ECSIT: variants seen among roughly 807,000 people sequenced by gnomAD.
ECSIT encodes the protein evolutionarily conserved signaling intermediate in Toll pathway, mitochondrial.
ECSIT carries 29 observed loss-of-function variants against 36.8 expected under a neutral mutation model. That is an observed-to-expected ratio of 0.79 (90% CI 0.59 to 1.08). The LOEUF (loss-of-function observed/expected upper bound fraction) is 1.08, where lower values mean the gene tolerates loss of function less well. Ranked by LOEUF, ECSIT falls within the 50% of genes least tolerant of loss-of-function variation. The probability of loss-of-function intolerance (pLI) is 0.00; values close to 1 mark genes in which losing one functional copy is unlikely to be tolerated. For missense variants in ECSIT, 542 were observed against 581.0 expected (o/e 0.93, Z 0.69); for synonymous variants, 231 against 234.8 (o/e 0.98, Z 0.15).
At chr19:11,524,293 G>A (rs1972167642) in intron 1 of ECSIT, among the ~76,000 whole-genome samples, 1 of 152,006 alleles carries the variant, frequency 6.6e-6, no homozygotes, top group South Asian at 2.1e-4. Context: ...GGAGGCCGAG[G>A]TGGGCAGATC....
rs146112007 is a variant in ECSIT, at chr19:11,507,499, C to T, written c.1009G>A (p.Val337Met). 671 of 1,614,100 alleles carry T rather than the reference C, an allele frequency of 4.2e-4. 2 individuals carry two copies. The Middle Eastern group carries it at 6.9e-3, about 17-fold the overall frequency. Residue 337 changes from valine (V) to methionine (M), a missense_variant, in exon 7 of 8, where the codon GTG (valine) becomes ATG (methionine). Physicochemically the swap from Val to Met is conservative, Grantham distance 21. Coordinates refer to ENST00000270517, the MANE Select transcript of ECSIT (RefSeq NM_016581.5). ...YYPMQLDLEY[V>M]RSGWDNYEFD... ...TCGTAGTTGTCCCAGCCACTCCTCA[C>T]ATACTCCAGGTCCAGCTGCATCGGG...
chr19:11,513,020 G>C (rs1971902528), intron 4 of ECSIT, 36 bp downstream of exon 4: 1 of 1,599,954 alleles, frequency 6.3e-7, no homozygotes, highest in Admixed American at 1.7e-5. Context: ...AGCCTGGCCT[G>C]GGGTGGCAGC....
At chr19:11,513,738 C>G in intron 3 of ECSIT, 66 bp downstream of exon 3, 1 of 1,582,966 alleles carries the variant, frequency 6.3e-7, no homozygotes, top group Non-Finnish European at 8.6e-7. Flanking sequence ...GGCTGAGACT[C>G]AGGAGAGGTG....
At chr19:11,514,850 T>G (rs1448559029) in intron 2 of ECSIT, among the ~76,000 whole-genome samples, 1 of 151,478 alleles carries the variant, frequency 6.6e-6, no homozygotes, top group Non-Finnish European at 1.5e-5. Flanking sequence ...TTTTTTTTTT[T>G]TTTTTTTAGA....
Position 11,519,313 on chromosome 19 carries a change from T to G in ECSIT, c.-23-120A>C. 2.8e-6 allele frequency: 2 copies of G among 718,216 alleles called. No homozygotes were observed. Among genetic ancestry groups the G allele is most frequent in the South Asian group, 3.0e-5 (2 of 66,282 alleles). 44.5% of individuals were successfully genotyped at this position (718,216 alleles called of 1,614,324 possible). On this transcript the variant is annotated intron_variant, in intron 1 of 7. Transcript: ENST00000270517. This position sits in a 1 kb window ranked among gnomAD's most constrained non-coding sequence, Gnocchi z 4.4. ...TGGCTCACTCACCAGCCCCAATGTT[T>G]ACCTTACCCAAGAAACAGGCTGATG...
chr19:11,507,282 C>CT (rs60161140), intron 7 of ECSIT, among the ~76,000 whole-genome samples, 175 bp downstream of exon 7: 17,144 of 133,472 alleles, frequency 0.13, 3,751 homozygotes, highest in African/African-American at 0.45. Flanking sequence ...AGGTTTTTGC[C>CT]TTTTTTTTTT....
intron 4 of ECSIT, among the ~76,000 whole-genome samples, chr19:11,509,158 C>T (rs902592582): frequency 5.3e-5 from 8 of 151,266 alleles, no homozygotes; most frequent in Non-Finnish European, 1.0e-4. Flanking sequence ...CCGCAACCTC[C>T]ACCTCCTGGG....
chr19:11,518,535 G>C (rs773481923), intron 2 of ECSIT, among the ~76,000 whole-genome samples: 2 of 152,138 alleles, frequency 1.3e-5, no homozygotes, highest in Non-Finnish European at 2.9e-5. Flanking sequence ...GCTGCAGTGA[G>C]CCCTGATTCC....
At position 11,513,858 on chromosome 19, in the gene ECSIT, A is replaced by G; in HGVS notation, c.460T>C (p.Tyr154His). ...ATCCCACACTCCTGCTGCCGAGGGT[A>G]GTGGACGAAGATGCGCTGGATGATG... ...RNIIQRIFVH[Y>H]PRQQECGIAV... Residue 154 changes from tyrosine (Y) to histidine (H), a missense_variant, in exon 3 of 8, where the codon TAC becomes CAC. Physicochemically the swap from Tyr to His is moderately conservative, Grantham distance 83. Coordinates refer to ENST00000270517, the MANE Select transcript of ECSIT (RefSeq NM_016581.5). The G allele has an allele frequency of 6.2e-7, 1 of 1,614,082 alleles. No homozygotes were observed. The highest frequency in any genetic ancestry group is 8.5e-7 in the Non-Finnish European group (1 of 1,180,002).
chr19:11,527,872 T>C (rs1235046158), intron 1 of ECSIT, among the ~76,000 whole-genome samples: 4 of 152,114 alleles, frequency 2.6e-5, no homozygotes, highest in Non-Finnish European at 5.9e-5. Context: ...TGTGCACCTG[T>C]AGTTCCAGCT....
intron 4 of ECSIT, among the ~76,000 whole-genome samples, chr19:11,509,946 T>C (rs1971837381): frequency 1.3e-5 from 2 of 151,500 alleles, no homozygotes; most frequent in African/African-American, 4.8e-5. Flanking sequence ...CTCGGCTCAC[T>C]GCAACCTCCA....
At chr19:11,526,332 T>C (rs1410285795) in intron 1 of ECSIT, among the ~76,000 whole-genome samples, 4 of 152,194 alleles carry the variant, frequency 2.6e-5, no homozygotes, top group African/African-American at 7.2e-5. Context: ...GTGATCTGTG[T>C]GCTGATGGCT....
chr19:11,522,568 G>A, intron 1 of ECSIT: 1 of 642,048 alleles, frequency 1.6e-6, no homozygotes, highest in Non-Finnish European at 2.8e-6. Context: ...AAAAAAATTA[G>A]CCAGTCATGG....
chr19:11,523,968 T>C (rs1972160050), intron 1 of ECSIT: 3 of 344,270 alleles, frequency 8.7e-6, no homozygotes, highest in Non-Finnish European at 1.7e-5. Context: ...TTGCCCAGGC[T>C]GGAGTACAGT....
At chr19:11,523,532 C>T (rs146345291) in intron 1 of ECSIT, 581 of 1,094,966 alleles carry the variant, frequency 5.3e-4, no homozygotes, top group Middle Eastern at 2.7e-3. Flanking sequence ...TGGCCTAGCA[C>T]GTGGAATCTG....
At chr19:11,513,669 A>T in intron 3 of ECSIT, 135 bp downstream of exon 3, 2 of 1,064,390 alleles carry the variant, frequency 1.9e-6, no homozygotes, top group Non-Finnish European at 2.8e-6. Flanking sequence ...TGATGAAAAG[A>T]GGGATTCGGA....
intron 1 of ECSIT, chr19:11,528,787 G>A (rs1490410954): frequency 6.6e-6 from 1 of 152,268 alleles, no homozygotes; most frequent in African/African-American, 2.4e-5. Context: ...GTCTCTTGGG[G>A]GAAAAAGGCA....
In ECSIT at chr19:11,513,238, T is replaced by G. The variant is rs1443714177; in HGVS notation, c.556A>C (p.Ile186Leu). 6.2e-7 allele frequency: 1 copy of G among 1,613,958 alleles called. No homozygotes were observed. The highest frequency in any genetic ancestry group is 1.1e-5 in the South Asian group (1 of 91,068). Reference protein sequence around the residue: ...NKETEFLLIQIFGRKSYPMLK... With the variant: ...NKETEFLLIQLFGRKSYPMLK... ...ATGGGGTAGCTTTTGCGTCCAAAGA[T>G]CTGAATCAGCAGGAACTCCGTCTCC... The change falls in exon 4 of 8, where the codon ATC (isoleucine) becomes CTC (leucine). Residue 186 changes from isoleucine to leucine, a missense_variant. Ile to Leu is a conservative substitution (Grantham distance 5). Transcript: ENST00000270517.
At chr19:11,518,303 T>C (rs1308183808) in intron 2 of ECSIT, among the ~76,000 whole-genome samples, 1 of 152,022 alleles carries the variant, frequency 6.6e-6, no homozygotes, top group African/African-American at 2.4e-5. Context: ...GATGTGCACT[T>C]GTAATCACAG....
Sources: allele counts gnomAD v4.1 joint callset (sites outside exome capture counted in the v4.1 genomes callset), GRCh38; gene constraint gnomAD v4.1.1; non-coding constraint Gnocchi (gnomAD v3.1); transcripts MANE v1.5; gene names NCBI Gene and HGNC (gene_info 2026-07-23, HGNC 2026-07-21).